The following IGDCC3 variants were observed in gnomAD, a reference collection of about 807,000 sequenced individuals.
IGDCC3 encodes the protein immunoglobulin superfamily DCC subclass member 3.
Under a neutral mutation model 72.0 loss-of-function variants are expected in IGDCC3, and 47 were observed. The ratio of observed to expected loss-of-function variants is 0.65; its 90% confidence interval spans 0.52 to 0.83. The LOEUF is 0.83. Ranked by LOEUF, IGDCC3 falls within the 40% of genes least tolerant of loss-of-function variation. The pLI, the probability that IGDCC3 is intolerant of heterozygous loss-of-function variation, is 0.00. For synonymous variants in IGDCC3, 477 were observed against 472.8 expected (o/e 1.01, Z -0.11); for missense variants, 1,038 against 1,091.3 (o/e 0.95, Z 0.69).
At chr15:65,348,008 G>A (rs542527658) in intron 2 of IGDCC3, among the ~76,000 whole-genome samples, 3 of 152,096 alleles carry the variant, frequency 2.0e-5, no homozygotes, top group Middle Eastern at 3.4e-3. Context: ...TAAAGGAGCC[G>A]GCCCAAGCCC....
chr15:65,335,950 G>A lies in IGDCC3; in HGVS notation c.416C>T (p.Ser139Leu), dbSNP rs1476069150. Residue 139 changes from serine (S) to leucine (L), a missense_variant, in exon 3 of 14, where the codon TCG becomes TTG. Transcript: ENST00000327987. ...GGCCTGGGGATGCACGTGGAAGTCCGACATGGCTGGGGGAAGAGAAGTGTA... is the reference window on the plus strand; with the variant it reads ...GGCCTGGGGATGCACGTGGAAGTCCAACATGGCTGGGGGAAGAGAAGTGTA... ...RKARIQAATM[S>L]DFHVHPQATV... The A allele has an allele frequency of 1.9e-6, 3 of 1,614,104 alleles. No homozygotes were observed. The highest frequency in any genetic ancestry group is 2.5e-6 in the Non-Finnish European group (3 of 1,179,980).
rs1229246467 is a variant in IGDCC3 at position 65,350,306 on chromosome 15, T to A, written c.410-14350A>T. 4.6e-5 allele frequency among the ~76,000 whole-genome samples: 7 copies of A among 151,760 alleles called. No individual in the cohort carries two copies. In the East Asian group the frequency reaches 1.3e-3, roughly 29 times the overall value. On this transcript the variant is annotated intron_variant, in intron 2 of 13. Transcript: ENST00000327987. ...CCACCATGCCTGGCTAATTTTTGTA[T>A]TTGTAGTAGAGACGGGGTTTCACCA...
At chr15:65,374,659 T>C (rs1173160247) in intron 2 of IGDCC3, among the ~76,000 whole-genome samples, 1 of 152,236 alleles carries the variant, frequency 6.6e-6, no homozygotes, top group Non-Finnish European at 1.5e-5. Flanking sequence ...AAGGTTTACA[T>C]TAGTTTAAGC....
intron 10 of IGDCC3, 26 bp downstream of exon 10, chr15:65,330,523 CT>C (rs2090966973): frequency 6.2e-7 from 1 of 1,607,800 alleles, no homozygotes; most frequent in African/African-American, 1.3e-5. Context: ...GCCAAGCCCC[CT>C]AGGCTCTGGG....
intron 2 of IGDCC3, among the ~76,000 whole-genome samples, chr15:65,370,610 ATATGTATGTG>A (rs1431088394): frequency 1.4e-4 from 13 of 91,580 alleles, no homozygotes; most frequent in African/African-American, 5.3e-4. Flanking sequence ...ATGTGTATAT[ATATGTATGTG>A]TATATATATA....
chr15:65,374,852 C>A (rs901696566), intron 2 of IGDCC3, among the ~76,000 whole-genome samples: 1 of 152,158 alleles, frequency 6.6e-6, no homozygotes, highest in African/African-American at 2.4e-5. Flanking sequence ...AAGCTTTCTC[C>A]CCGACTCCCC....
intron 2 of IGDCC3, among the ~76,000 whole-genome samples, chr15:65,352,350 T>A (rs753633931): frequency 4.6e-5 from 7 of 152,228 alleles, no homozygotes; most frequent in Non-Finnish European, 7.3e-5. Flanking sequence ...CATATAAGAG[T>A]CTGTTTTCTT....
chr15:65,329,692 C>T lies in IGDCC3; in HGVS notation c.1997+34G>A, dbSNP rs777566955. On this transcript the variant is annotated intron_variant, in intron 12 of 13. Transcript: ENST00000327987. This position sits in a 1 kb window ranked among gnomAD's most constrained non-coding sequence, Gnocchi z 4.1. ...TTCTCTAGGCCTAGTCCCCCACACA[C>T]CAGCCCAGCCCCTCTCCCTGGCCCA... 28 of 1,613,510 alleles carry T rather than the reference C, an allele frequency of 1.7e-5. No homozygotes were observed. The highest frequency in any genetic ancestry group is 2.2e-5 in the Non-Finnish European group (26 of 1,179,726).
chr15:65,334,918 C>T, intron 4 of IGDCC3, 53 bp from the exon 5 acceptor site: 1 of 1,564,386 alleles, frequency 6.4e-7, no homozygotes, highest in Non-Finnish European at 8.6e-7. Context: ...TTCCCGCTTC[C>T]TCACCCCACC....
rs112124319 is a variant in IGDCC3 at position 65,342,310 on chromosome 15, C to G, written c.410-6354G>C. 4.6e-5 allele frequency among the ~76,000 whole-genome samples: 7 copies of G among 151,340 alleles called. No homozygotes were observed. The South Asian group carries it at 1.3e-3, about 27-fold the overall frequency. On this transcript the variant is annotated intron_variant, in intron 2 of 13. Transcript: ENST00000327987. ...CTAAGGCAGGAGAATCGCTTGAACC[C>G]GGGAGGTGGAGGTTGGGGTGAGCCG...
intron 2 of IGDCC3, among the ~76,000 whole-genome samples, chr15:65,365,024 G>C (rs2091281778): frequency 6.6e-6 from 1 of 152,190 alleles, no homozygotes; most frequent in South Asian, 2.1e-4. Context: ...TGATAAACCA[G>C]AGACTCCCTT....
chr15:65,363,532 C>G lies in IGDCC3; in HGVS notation c.409+11565G>C, dbSNP rs559711633. On this transcript the variant is annotated intron_variant, in intron 2 of 13. Coordinates refer to ENST00000327987, the MANE Select transcript of IGDCC3 (RefSeq NM_004884.4). ...TCGGCCCCGTGGGCGTGTAATTCCA[C>G]AAGGCTGTAGGCCACCTTCCCTGGG... Among the ~76,000 whole-genome samples the G allele has an allele frequency of 7.2e-5, 11 of 152,328 alleles. No homozygotes were observed. In the South Asian group the frequency reaches 1.9e-3, roughly 26 times the overall value.
At position 65,329,389 on chromosome 15, in the gene IGDCC3, CTG is replaced by C; in HGVS notation, c.2204_2205del (p.Gln736GlyfsTer9). 6.3e-7 allele frequency: 1 copy of C among 1,583,444 alleles called. No homozygotes were observed. Among genetic ancestry groups the C allele is most frequent in the Non-Finnish European group, 8.6e-7 (1 of 1,169,210 alleles). The stretch of plus-strand genomic sequence containing the variant: ...GGTTTGTTTAAGACATGGGCACTCA[CTG>C]TGGGTCTGGGGTCCGGCTGCCCTGC... ...SAAGQPDPRP[T>X]QDPAAPAPCE... On this transcript the variant is annotated frameshift_variant and splice_region_variant, in exon 13 of 14. Coordinates refer to ENST00000327987, the MANE Select transcript of IGDCC3 (RefSeq NM_004884.4). LOFTEE classifies it low-confidence loss of function (END_TRUNC). The surrounding 1 kb of genome is among the most constrained non-coding windows in gnomAD (Gnocchi z 4.1).
chr15:65,346,487 C>T (rs1041890354), intron 2 of IGDCC3, among the ~76,000 whole-genome samples: 16 of 150,004 alleles, frequency 1.1e-4, no homozygotes, highest in African/African-American at 3.9e-4. Flanking sequence ...GACGGAGTCT[C>T]GCTCTGTCGC....
chr15:65,355,424 T>C (rs1261015676), intron 2 of IGDCC3, among the ~76,000 whole-genome samples: 2 of 151,758 alleles, frequency 1.3e-5, no homozygotes, highest in Non-Finnish European at 1.5e-5. Context: ...GGGAGCGTGA[T>C]GGGGAGCGAC....
At chr15:65,331,331 C>T in intron 8 of IGDCC3, 81 bp downstream of exon 8, 1 of 1,564,342 alleles carries the variant, frequency 6.4e-7, no homozygotes, top group Non-Finnish European at 8.7e-7. Context: ...GAAAGGGAGG[C>T]ATCGGGTCAC....
chr15:65,346,797 G>T (rs1008274366), intron 2 of IGDCC3, among the ~76,000 whole-genome samples: 2 of 152,148 alleles, frequency 1.3e-5, no homozygotes, highest in African/African-American at 4.8e-5. Flanking sequence ...TGTGATCTTG[G>T]TAAGGGCAAA....
intron 2 of IGDCC3, among the ~76,000 whole-genome samples, chr15:65,348,130 A>G (rs1245166209): frequency 6.6e-6 from 1 of 152,200 alleles, no homozygotes; most frequent in Non-Finnish European, 1.5e-5. Flanking sequence ...GTTACTCTAC[A>G]TGGTCTAAAA....
chr15:65,369,485 A>G (rs1253153089), intron 2 of IGDCC3, among the ~76,000 whole-genome samples: 1 of 152,034 alleles, frequency 6.6e-6, no homozygotes, highest in Non-Finnish European at 1.5e-5. Context: ...ATTTGCACCT[A>G]CCTATGAGCT....
Sources: allele counts gnomAD v4.1 joint callset (sites outside exome capture counted in the v4.1 genomes callset), GRCh38; gene constraint gnomAD v4.1.1; non-coding constraint Gnocchi (gnomAD v3.1); transcripts MANE v1.5; gene names NCBI Gene and HGNC (gene_info 2026-07-23, HGNC 2026-07-21).